ITFG1: variants seen among roughly 807,000 people sequenced by gnomAD.
ITFG1 encodes the protein T-cell immunomodulatory protein.
In ITFG1, 34 loss-of-function variants were observed where a neutral mutation model predicts 81.8. The observed-to-expected ratio is 0.42, with a 90% confidence interval of 0.32 to 0.55. The LOEUF (loss-of-function observed/expected upper bound fraction) is 0.55, where lower values mean the gene tolerates loss of function less well. Ranked by LOEUF, ITFG1 falls within the 20% of genes least tolerant of loss-of-function variation. The probability of loss-of-function intolerance (pLI) is 0.17; values close to 1 mark genes in which losing one functional copy is unlikely to be tolerated. For missense variants in ITFG1, 672 were observed against 755.4 expected (o/e 0.89, Z 1.29); for synonymous variants, 285 against 270.6 (o/e 1.05, Z -0.52).
chr16:47,291,185 C>T (rs899795393), intron 10 of ITFG1, among the ~76,000 whole-genome samples: 5 of 151,998 alleles, frequency 3.3e-5, no homozygotes, highest in African/African-American at 7.3e-5. Flanking sequence ...ACAGTATTCT[C>T]GGTCGTATCA....
chr16:47,239,051 T>G (rs1406585549), intron 12 of ITFG1, among the ~76,000 whole-genome samples: 1 of 152,174 alleles, frequency 6.6e-6, no homozygotes, highest in East Asian at 1.9e-4. Flanking sequence ...TGACCCCTTC[T>G]GCCATGTGAG....
intron 12 of ITFG1, among the ~76,000 whole-genome samples, chr16:47,252,718 T>C (rs1404314737): frequency 6.6e-6 from 1 of 152,174 alleles, no homozygotes; most frequent in Non-Finnish European, 1.5e-5. Context: ...AGCTTAAGTA[T>C]CCCCAATTTC....
At chr16:47,242,833 A>T (rs1965950409) in intron 12 of ITFG1, among the ~76,000 whole-genome samples, 1 of 152,202 alleles carries the variant, frequency 6.6e-6, no homozygotes, top group Non-Finnish European at 1.5e-5. Context: ...TACAATAGCA[A>T]TTACTTCAGG....
intron 7 of ITFG1, 129 bp from the exon 8 acceptor site, chr16:47,365,998 T>C (rs552989997): frequency 1.0e-4 from 56 of 541,702 alleles, no homozygotes; most frequent in African/African-American, 1.0e-3. Context: ...ACAAAAATTA[T>C]TCCAATCTCC....
chr16:47,184,847 A>G (rs1237347748), intron 14 of ITFG1, among the ~76,000 whole-genome samples: 1 of 152,218 alleles, frequency 6.6e-6, no homozygotes, highest in Non-Finnish European at 1.5e-5. Flanking sequence ...TTGGATAAAG[A>G]GTCAAGACCC....
At position 47,258,735 on chromosome 16, in the gene ITFG1, G is replaced by T. The variant is rs374487702; in HGVS notation, c.1227C>A (p.Ile409=). The T allele has an allele frequency of 1.1e-5, 16 of 1,452,028 alleles. No homozygotes were observed. The highest frequency in any genetic ancestry group is 1.4e-5 in the Non-Finnish European group (15 of 1,081,174). 89.9% of individuals were successfully genotyped at this position (1,452,028 alleles called of 1,614,324 possible). Residue 409 remains isoleucine (I), a synonymous_variant, in exon 12 of 18, where the codon ATC becomes ATA. Coordinates refer to ENST00000320640, the MANE Select transcript of ITFG1 (RefSeq NM_030790.5). ...CTTTACTTAGCACTACAATGTCCAA[G>T]ATTCCCTGGAAAAAAACAAACAAAA... ...ATFFDIYEDG[I]LDIVVLSKGY... is the part of the protein sequence containing the mutation.
intron 12 of ITFG1, among the ~76,000 whole-genome samples, chr16:47,249,958 A>G (rs922264317): frequency 1.3e-5 from 2 of 152,244 alleles, no homozygotes; most frequent in Non-Finnish European, 2.9e-5. Flanking sequence ...TCAATACTGT[A>G]TAATGGTTTT....
intron 10 of ITFG1, among the ~76,000 whole-genome samples, chr16:47,270,832 A>G (rs566976281): frequency 1.3e-5 from 2 of 151,820 alleles, no homozygotes; most frequent in South Asian, 4.1e-4. Context: ...TGATTCCATT[A>G]ATATAAAATA....
intron 12 of ITFG1, among the ~76,000 whole-genome samples, chr16:47,243,561 C>A (rs112381468): frequency 3.7e-4 from 56 of 152,036 alleles, no homozygotes; most frequent in African/African-American, 1.3e-3. Flanking sequence ...TACTGGAAAC[C>A]AGATAAATAT....
At chr16:47,157,483 T>C (rs1261894403) in intron 17 of ITFG1, 1 of 152,236 alleles carries the variant, frequency 6.6e-6, no homozygotes, top group Non-Finnish European at 1.5e-5. Context: ...ATTATTGTTA[T>C]AAGCACGCAA....
At chr16:47,281,241 T>C (rs1406760440) in intron 10 of ITFG1, among the ~76,000 whole-genome samples, 1 of 152,188 alleles carries the variant, frequency 6.6e-6, no homozygotes, top group East Asian at 1.9e-4. Context: ...CTTGGATCAC[T>C]GGGCACACAA....
intron 6 of ITFG1, among the ~76,000 whole-genome samples, chr16:47,379,719 G>A (rs1411967020): frequency 1.3e-5 from 2 of 151,380 alleles, no homozygotes; most frequent in Non-Finnish European, 2.9e-5. Flanking sequence ...TTCTGTAGTT[G>A]GATCACCTTT....
chr16:47,225,264 A>T (rs1447636313), intron 13 of ITFG1, among the ~76,000 whole-genome samples: 1 of 149,834 alleles, frequency 6.7e-6, no homozygotes, highest in South Asian at 2.1e-4. Context: ...AAAAGGGAAT[A>T]AAAAAAAAAT....
At chr16:47,261,721 G>A (rs1283435462) in intron 10 of ITFG1, among the ~76,000 whole-genome samples, 6 of 152,066 alleles carry the variant, frequency 3.9e-5, no homozygotes, top group Admixed American at 2.0e-4. Context: ...CACCCAGCTG[G>A]AGTGCAGTGG....
At chr16:47,445,195 C>T (rs1011635396) in intron 5 of ITFG1, among the ~76,000 whole-genome samples, 2 of 133,964 alleles carry the variant, frequency 1.5e-5, no homozygotes, top group Admixed American at 8.2e-5. Flanking sequence ...AGGCCGGGCG[C>T]GGTGGCTCTT....
intron 10 of ITFG1, among the ~76,000 whole-genome samples, chr16:47,269,939 G>C (rs756262164): frequency 2.6e-5 from 4 of 152,090 alleles, no homozygotes; most frequent in African/African-American, 4.8e-5. Context: ...ATAGATCATG[G>C]GAACAGAAAA....
chr16:47,221,330 T>C, intron 13 of ITFG1, among the ~76,000 whole-genome samples: 1 of 152,222 alleles, frequency 6.6e-6, no homozygotes, highest in Non-Finnish European at 1.5e-5. Context: ...TTTCTGCATC[T>C]ATTGAGATAA....
intron 14 of ITFG1, among the ~76,000 whole-genome samples, chr16:47,201,354 G>A (rs1334051102): frequency 6.6e-6 from 1 of 151,844 alleles, no homozygotes; most frequent in Non-Finnish European, 1.5e-5. Context: ...GACTACAGGT[G>A]CCCGCCAACA....
rs774867104 is a variant in ITFG1, at chr16:47,161,763, T to C, written c.1648A>G (p.Asn550Asp). The part of the protein sequence containing the change: ...SQLIVIPYPH[N>D]VPRSWSAKLY... The stretch of plus-strand genomic sequence containing the variant: ...CAAGTACATTACCTTCGAGGGACAT[T>C]GTGAGGGTATGGAATGACAATTAGC... Residue 550 changes from asparagine to aspartate, a missense_variant, in exon 16 of 18, where the codon AAT (asparagine) becomes GAT (aspartate). Physicochemically the swap from Asn to Asp is conservative, Grantham distance 23. This residue lies in a region of ITFG1 where 65 missense variants were observed against 103.3 expected (regional missense o/e 0.63). Coordinates refer to ENST00000320640, the MANE Select transcript of ITFG1 (RefSeq NM_030790.5). 14 of 1,608,698 alleles carry C rather than the reference T, an allele frequency of 8.7e-6. No individual in the cohort carries two copies. The highest frequency in any genetic ancestry group is 1.3e-5 in the African/African-American group (1 of 74,924).
Sources: gnomAD v4.1 joint callset for allele counts (sites outside exome capture counted in the v4.1 genomes callset) on GRCh38, gnomAD v4.1.1 for gene constraint, gnomAD v4.1.1 regional missense constraint, MANE v1.5 for transcripts, NCBI Gene and HGNC (gene_info 2026-07-23, HGNC 2026-07-21) for gene names.